Variants in TSHZ2 observed in about 807,000 individuals in gnomAD.
TSHZ2 encodes the protein teashirt homolog 2.
TSHZ2 carries 21 observed loss-of-function variants against 74.4 expected under a neutral mutation model. The ratio of observed to expected loss-of-function variants is 0.28; its 90% CI spans 0.20 to 0.41. The LOEUF (loss-of-function observed/expected upper bound fraction) is 0.41, where lower values mean the gene tolerates loss of function less well. Among genes scored for constraint, TSHZ2 ranks in the 10% least tolerant of loss-of-function variants. TSHZ2 has a pLI of 1.00. For synonymous variants in TSHZ2, 540 were observed against 515.3 expected, an observed-to-expected ratio of 1.05 and a Z score of -0.65; for missense variants, 1,244 against 1,293.5, an observed-to-expected ratio of 0.96 and a Z score of 0.59.
intron 1 of TSHZ2, among the ~76,000 whole-genome samples, chr20:53,161,360 T>C (rs945121068): frequency 5.9e-5 from 9 of 152,236 alleles, no homozygotes; most frequent in Non-Finnish European, 1.2e-4. Context: ...GCACTCAGAC[T>C]GATGAGACAG....
chr20:53,223,898 AACACACACAC>A (rs71675648), intron 1 of TSHZ2, among the ~76,000 whole-genome samples: 11 of 145,498 alleles, frequency 7.6e-5, no homozygotes, highest in Middle Eastern at 6.8e-3. Flanking sequence ...TACAGGACTA[AACACACACAC>A]ACACACACAC....
intron 1 of TSHZ2, among the ~76,000 whole-genome samples, chr20:53,093,909 C>T (rs968582324): frequency 1.3e-5 from 2 of 151,982 alleles, no homozygotes; most frequent in African/African-American, 4.8e-5. Flanking sequence ...CGTCTTCAAA[C>T]TACTTCATGA....
chr20:53,033,191 A>G (rs964885), intron 1 of TSHZ2, among the ~76,000 whole-genome samples: 92,753 of 152,070 alleles, frequency 0.61, 28,764 homozygotes, highest in East Asian at 0.86. Flanking sequence ...TTGTGCCATC[A>G]CATAGTAAAA....
chr20:53,398,330 C>T (rs1331463199), intron 2 of TSHZ2: 2 of 152,202 alleles, frequency 1.3e-5, no homozygotes, highest in East Asian at 3.8e-4. Flanking sequence ...CATCCAAATA[C>T]CTGCTTACCA....
intron 1 of TSHZ2, among the ~76,000 whole-genome samples, chr20:53,163,387 G>C (rs1003725251): frequency 2.5e-5 from 1 of 39,732 alleles, no homozygotes; most frequent in Non-Finnish European, 5.0e-5. Context: ...TTTTTTTTTT[G>C]AGGTTTCAGG....
At chr20:53,029,626 A>G (rs1439433436) in intron 1 of TSHZ2, among the ~76,000 whole-genome samples, 1 of 152,212 alleles carries the variant, frequency 6.6e-6, no homozygotes, top group Non-Finnish European at 1.5e-5. Flanking sequence ...CAGTGAGCTG[A>G]GATTGCACCA....
intron 2 of TSHZ2, among the ~76,000 whole-genome samples, chr20:53,298,514 G>A (rs945599494): frequency 1.3e-5 from 2 of 152,186 alleles, no homozygotes; most frequent in Non-Finnish European, 2.9e-5. Flanking sequence ...GTGTTTCAGG[G>A]AAAGGCAAAA....
At chr20:53,309,122 A>T (rs1978673093) in intron 2 of TSHZ2, among the ~76,000 whole-genome samples, 1 of 152,226 alleles carries the variant, frequency 6.6e-6, no homozygotes, top group South Asian at 2.1e-4. Flanking sequence ...GATACAAATC[A>T]CTGGCTTCTC....
chr20:53,237,963 T>C (rs113920962), intron 1 of TSHZ2, among the ~76,000 whole-genome samples: 1 of 152,192 alleles, frequency 6.6e-6, no homozygotes, highest in Non-Finnish European at 1.5e-5. Flanking sequence ...TCCACATATA[T>C]AGACTTGCTC....
chr20:53,020,991 T>C lies in TSHZ2; in HGVS notation c.40+47658T>C, dbSNP rs192522850. On this transcript the variant is annotated intron_variant, in intron 1 of 2. Coordinates refer to ENST00000371497, the MANE Select transcript of TSHZ2 (RefSeq NM_173485.6). ...TAATGTCTACCTTTTAGGATAAGTG[T>C]GTGAATGAAGTAAGGCTTGTAAAGC... Among the ~76,000 whole-genome samples, 123 of 152,232 alleles carry C rather than the reference T, an allele frequency of 8.1e-4. 1 individual carries two copies. The highest frequency in any genetic ancestry group is 1.5e-4 in the Non-Finnish European group (10 of 68,014).
chr20:53,301,833 T>G (rs1978331287), intron 2 of TSHZ2, among the ~76,000 whole-genome samples: 1 of 152,176 alleles, frequency 6.6e-6, no homozygotes, highest in South Asian at 2.1e-4. Context: ...GGCAGCGCCA[T>G]TTGACGGGAG....
At chr20:53,454,772 T>A (rs1984982606) in intron 2 of TSHZ2, among the ~76,000 whole-genome samples, 2 of 152,014 alleles carry the variant, frequency 1.3e-5, no homozygotes, top group Admixed American at 1.3e-4. Context: ...AGAAATTGAC[T>A]CTCCCAGTCA....
intron 1 of TSHZ2, among the ~76,000 whole-genome samples, chr20:52,973,786 T>A (rs1227822238): frequency 6.6e-6 from 1 of 152,132 alleles, no homozygotes; most frequent in Non-Finnish European, 1.5e-5. Flanking sequence ...TACCTAACAC[T>A]CGGGCTGCAG....
chr20:53,135,884 C>T (rs777963936), intron 1 of TSHZ2, among the ~76,000 whole-genome samples: 9 of 152,174 alleles, frequency 5.9e-5, no homozygotes, highest in Admixed American at 2.6e-4. Flanking sequence ...GGATTATAGG[C>T]GTGAGCCACC....
At chr20:53,291,168 C>G (rs1461214866) in intron 2 of TSHZ2, among the ~76,000 whole-genome samples, 2 of 152,076 alleles carry the variant, frequency 1.3e-5, no homozygotes, top group African/African-American at 2.4e-5. Context: ...TCCAAATACC[C>G]TGGTCAAAAA....
intron 1 of TSHZ2, among the ~76,000 whole-genome samples, chr20:53,217,596 T>C (rs985028112): frequency 2.9e-4 from 44 of 152,172 alleles, no homozygotes; most frequent in African/African-American, 9.4e-4. Flanking sequence ...GGCAGATCCC[T>C]GGTGCTCAGT....
intron 2 of TSHZ2, among the ~76,000 whole-genome samples, chr20:53,263,344 A>G (rs1164211685): frequency 6.6e-6 from 1 of 152,168 alleles, no homozygotes; most frequent in African/African-American, 2.4e-5. Flanking sequence ...TTGAATGTTT[A>G]TTTGCCGCAA....
At chr20:53,448,691 C>A (rs1021512421) in intron 2 of TSHZ2, among the ~76,000 whole-genome samples, 3 of 152,144 alleles carry the variant, frequency 2.0e-5, no homozygotes, top group African/African-American at 7.2e-5. Flanking sequence ...AGGCATACAG[C>A]TCCTTTAGTC....
intron 1 of TSHZ2, among the ~76,000 whole-genome samples, chr20:53,110,931 C>T (rs1039503871): frequency 6.6e-6 from 1 of 151,930 alleles, no homozygotes; most frequent in Admixed American, 6.6e-5. Flanking sequence ...GAGAAAGGTT[C>T]TGTACAGTTG....
Sources: allele counts gnomAD v4.1 joint callset (sites outside exome capture counted in the v4.1 genomes callset), GRCh38; gene constraint gnomAD v4.1.1; transcripts MANE v1.5; gene names NCBI Gene and HGNC (gene_info 2026-07-23, HGNC 2026-07-21).